Variants in CACFD1 observed in about 807,000 individuals in gnomAD.
CACFD1 encodes the protein calcium channel flower homolog.
A neutral mutation model predicts 21.3 loss-of-function variants in CACFD1; 26 were observed. The observed-to-expected ratio is 1.22, with a 90% CI of 0.89 to 1.69. The LOEUF is 1.69. Ranked by LOEUF, CACFD1 falls within the 40% of genes most tolerant of loss-of-function variation. CACFD1 has a pLI of 0.00. For synonymous variants in CACFD1, 121 were observed against 106.6 expected (o/e 1.13, Z -0.83); for missense variants, 265 against 236.2 (o/e 1.12, Z -0.80).
At chr9:133,464,853 C>G (rs993639654) in intron 2 of CACFD1, among the ~76,000 whole-genome samples, 2 of 152,210 alleles carry the variant, frequency 1.3e-5, no homozygotes, top group Non-Finnish European at 2.9e-5. Context: ...GGCTCCAGCT[C>G]TCTGCCTCCC....
At chr9:133,460,215 G>T (rs1554798030) in intron 1 of CACFD1, 28 bp downstream of exon 1, 1 of 1,504,792 alleles carries the variant, frequency 6.6e-7, no homozygotes, top group Admixed American at 2.1e-5. Context: ...GAGAGGGGCC[G>T]GCCCCGCCGC....
rs1843498551 is a variant in CACFD1, at chr9:133,467,841, C to T, written c.321-80C>T. ...GTGCCCTGGGTGTCTAGGAAGGATG[C>T]TGGGCCGAGTCTGGGAAGCGGGGAA... On this transcript the variant is annotated intron_variant, in intron 3 of 4. Transcript: ENST00000316948. 3.8e-6 allele frequency: 4 copies of T among 1,039,258 alleles called. No homozygotes were observed. The South Asian group carries it at 5.2e-5, about 13-fold the overall frequency. The allele number at this position is 1,039,258 out of a possible 1,614,324, so 64.4% of individuals were successfully genotyped here.
chr9:133,465,219 GA>G lies in CACFD1; in HGVS notation c.195-102del. On this transcript the variant is annotated intron_variant, in intron 2 of 4. Transcript: ENST00000316948. The surrounding 1 kb of genome is among the most constrained non-coding windows in gnomAD (Gnocchi z 5.0). ...CCCAGAGGAGGAGGGATGAGGGCAG[GA>G]GGGTGAGGGAGGTGGCATTCCTTAT... 1 of 1,356,514 alleles carries G rather than the reference GA, an allele frequency of 7.4e-7. No individual in the cohort carries two copies. Among genetic ancestry groups the G allele is most frequent in the Non-Finnish European group, 1.0e-6 (1 of 957,316 alleles). 84.0% of individuals were successfully genotyped at this position (1,356,514 alleles called of 1,614,324 possible).
chr9:133,461,381 C>T (rs1458147704), intron 1 of CACFD1, among the ~76,000 whole-genome samples: 1 of 152,222 alleles, frequency 6.6e-6, no homozygotes, highest in African/African-American at 2.4e-5. Context: ...ACAAAAAGGC[C>T]CCGAGTTTGT....
At position 133,461,383 on chromosome 9, in the gene CACFD1, C is replaced by T. The variant is rs587637813; in HGVS notation, c.121+1196C>T. Among the ~76,000 whole-genome samples the T allele has an allele frequency of 9.2e-5, 14 of 152,336 alleles. No homozygotes were observed. In the South Asian group the frequency reaches 2.9e-3, roughly 32 times the overall value. On this transcript the variant is annotated intron_variant, in intron 1 of 4. Coordinates refer to ENST00000316948, the MANE Select transcript of CACFD1 (RefSeq NM_017586.5). ...CTACCCCCAAATCACAAAAAGGCCC[C>T]GAGTTTGTGTCACTGCTCTTCAGGG... is the stretch of plus-strand genomic sequence containing the variant.
At chr9:133,467,771 G>A (rs1206844490) in intron 3 of CACFD1, 150 bp from the exon 4 acceptor site, 1 of 613,380 alleles carries the variant, frequency 1.6e-6, no homozygotes, top group Admixed American at 2.7e-5. Context: ...GCTGATGAAG[G>A]ACTTTCTGAA....
intron 3 of CACFD1, among the ~76,000 whole-genome samples, chr9:133,466,490 A>G (rs1843440975): frequency 6.6e-6 from 1 of 152,196 alleles, no homozygotes; most frequent in African/African-American, 2.4e-5. Flanking sequence ...AGACTTTATA[A>G]CATTCTTTCA....
chr9:133,467,858 A>G (rs1843499688), intron 3 of CACFD1, 63 bp from the exon 4 acceptor site: 5 of 1,210,554 alleles, frequency 4.1e-6, no homozygotes, highest in Non-Finnish European at 6.1e-6. Flanking sequence ...GAGTCTGGGA[A>G]GCGGGGAAGG....
At chr9:133,468,100 GA>G in intron 4 of CACFD1, 72 bp downstream of exon 4, 1 of 1,316,316 alleles carries the variant, frequency 7.6e-7, no homozygotes, top group Non-Finnish European at 1.1e-6. Context: ...CAGTGAGGAG[GA>G]TCTGAGAGTG....
chr9:133,470,269 G>A lies in CACFD1; in HGVS notation c.*1616G>A, dbSNP rs920261682. On this transcript the variant is annotated 3_prime_UTR_variant, in exon 5 of 5. Coordinates refer to ENST00000316948, the MANE Select transcript of CACFD1 (RefSeq NM_017586.5). Reference sequence around the variant, plus strand: ...TGCACACATCTGTCCCATGTATGCAGTGAGACCTGTCTACCTCCCACAAGG... The same window carrying A: ...TGCACACATCTGTCCCATGTATGCAATGAGACCTGTCTACCTCCCACAAGG... The A allele has an allele frequency of 1.3e-5, 2 of 152,520 alleles. No homozygotes were observed. The highest frequency in any genetic ancestry group is 2.9e-5 in the Non-Finnish European group (2 of 68,176). 9.4% of individuals were successfully genotyped at this position (152,520 alleles called of 1,614,324 possible). A position where few individuals can be genotyped will look rare whatever the true frequency, so the allele number is the denominator to read the frequency against.
intron 2 of CACFD1, chr9:133,464,904 T>G: frequency 6.1e-6 from 1 of 164,800 alleles, no homozygotes; most frequent in Non-Finnish European, 1.3e-5. Context: ...ACTGACGGCT[T>G]TTGGTGGCCA....
chr9:133,460,053 C>CT lies in CACFD1; in HGVS notation c.-13dup. On this transcript the variant is annotated 5_prime_UTR_variant, in exon 1 of 5. Transcript: ENST00000316948. ...CCTTTGTGAGGGCTGTGAGCTGCGC[C>CT]TGACGGTGGCACCATGAGCAGCTCA... 1.3e-6 allele frequency: 2 copies of CT among 1,552,156 alleles called. No individual in the cohort carries two copies. Among genetic ancestry groups the CT allele is most frequent in the Non-Finnish European group, 1.7e-6 (2 of 1,149,514 alleles).
rs587721079 is a variant in CACFD1, at chr9:133,467,976, G to A, written c.376G>A (p.Ala126Thr). The stretch of plus-strand genomic sequence containing the variant: ...GACCCTGACCACGCTGCTGGGCAAC[G>A]CCATCGCCTTTGCTACGGGGGTGCT... ...SLTLTTLLGN[A>T]IAFATGVLYG... The change falls in exon 4 of 5, where the codon GCC (alanine) becomes ACC (threonine). Residue 126 changes from alanine to threonine, a missense_variant. By Grantham distance (58) the Ala-to-Thr change is moderately conservative (BLOSUM62 0). Coordinates refer to ENST00000316948, the MANE Select transcript of CACFD1 (RefSeq NM_017586.5). 5 of 1,613,926 alleles carry A rather than the reference G, an allele frequency of 3.1e-6. No individual in the cohort carries two copies. In the East Asian group the frequency reaches 6.7e-5, roughly 22 times the overall value.
Position 133,463,540 on chromosome 9 carries a change from C to T in CACFD1, c.179C>T (p.Ala60Val), listed in dbSNP as rs1554798930. The T allele has an allele frequency of 1.2e-6, 2 of 1,614,066 alleles. No homozygotes were observed. The highest frequency in any genetic ancestry group is 3.3e-5 in the Admixed American group (2 of 60,032). The change falls in exon 2 of 5, where the codon GCC becomes GTC. Residue 60 changes from alanine (A) to valine (V), a missense_variant. Physicochemically the swap from Ala to Val is moderately conservative, Grantham distance 64. Transcript: ENST00000316948. The stretch of plus-strand genomic sequence containing the variant: ...ACCATCCACCCTCTGAACATTGCGG[C>T]CGGCGTGTGGATGATGTGAGTAATG... ...CITIHPLNIAAGVWMIMNAFI... is the reference protein window; with the variant it reads ...CITIHPLNIAVGVWMIMNAFI...
chr9:133,460,248 TGCCCCGCCCC>T (rs3216889), intron 1 of CACFD1, 61 bp downstream of exon 1: 7 of 1,369,916 alleles, frequency 5.1e-6, no homozygotes, highest in Non-Finnish European at 6.7e-6. Flanking sequence ...CGCCCTGCCC[TGCCCCGCCCC>T]GCCCCGGCGG....
intron 4 of CACFD1, chr9:133,468,300 C>G: frequency 7.2e-6 from 11 of 1,522,118 alleles, no homozygotes; most frequent in Non-Finnish European, 9.7e-6. Flanking sequence ...CCCAGGTCTG[C>G]ACCGGGCATT....
In CACFD1 at chr9:133,460,008, G is replaced by C. The variant is rs1013204816; in HGVS notation, c.-59G>C. 1.4e-6 allele frequency: 2 copies of C among 1,470,876 alleles called. No individual in the cohort carries two copies. Among genetic ancestry groups the C allele is most frequent in the Non-Finnish European group, 1.8e-6 (2 of 1,112,772 alleles). The allele number at this position is 1,470,876 out of a possible 1,614,324, so 91.1% of individuals were successfully genotyped here. ...TCCCACAAGGCAGCGCGCCGGCTCG[G>C]ACGCGGCCGGCTACCGAGCCCTTTG... On this transcript the variant is annotated 5_prime_UTR_variant, in exon 1 of 5. Coordinates refer to ENST00000316948, the MANE Select transcript of CACFD1 (RefSeq NM_017586.5).
Position 133,460,201 on chromosome 9 carries a change from C to A in CACFD1, c.121+14C>A. 3 of 1,521,218 alleles carry A rather than the reference C, an allele frequency of 2.0e-6. No individual in the cohort carries two copies. The highest frequency in any genetic ancestry group is 2.7e-5 in the East Asian group (1 of 37,526). The allele number at this position is 1,521,218 out of a possible 1,614,324, so 94.2% of individuals were successfully genotyped here. A position where few individuals can be genotyped will look rare whatever the true frequency, so the allele number is the denominator to read the frequency against. ...TGGGGGCAGTCTGTGAGTATCCAGTCGGGGAGAGGGGCCGGCCCCGCCGCG... is the reference window on the plus strand; with the variant it reads ...TGGGGGCAGTCTGTGAGTATCCAGTAGGGGAGAGGGGCCGGCCCCGCCGCG... On this transcript the variant is annotated intron_variant, in intron 1 of 4. Transcript: ENST00000316948.
Position 133,465,349 on chromosome 9 carries a change from T to G in CACFD1, c.222T>G (p.Cys74Trp). 3 of 1,614,080 alleles carry G rather than the reference T, an allele frequency of 1.9e-6. No individual in the cohort carries two copies. The highest frequency in any genetic ancestry group is 2.5e-6 in the Non-Finnish European group (3 of 1,179,982). The part of the protein sequence containing the change: ...MIMNAFILLL[C>W]EAPFCCQFIE... ...TGAATGCCTTCATCTTGTTGCTGTG[T>G]GAGGCGCCCTTCTGCTGCCAGTTCA... Residue 74 changes from cysteine (C) to tryptophan (W), a missense_variant, in exon 3 of 5, where the codon TGT becomes TGG. By Grantham distance (215) the Cys-to-Trp change is radical. Transcript: ENST00000316948. The surrounding 1 kb of genome is among the most constrained non-coding windows in gnomAD (Gnocchi z 5.0).
Sources: allele counts gnomAD v4.1 joint callset (sites outside exome capture counted in the v4.1 genomes callset), GRCh38; gene constraint gnomAD v4.1.1; non-coding constraint Gnocchi (gnomAD v3.1); transcripts MANE v1.5; gene names NCBI Gene and HGNC (gene_info 2026-07-23, HGNC 2026-07-21).